The following LRRC37A2 variants were observed in gnomAD, a reference collection of about 807,000 sequenced individuals.
LRRC37A2 encodes leucine rich repeat containing 37 member A2.
A neutral mutation model predicts 68.8 loss-of-function variants in LRRC37A2; 9 were observed. The ratio of observed to expected loss-of-function variants is 0.13; its 90% CI spans 0.08 to 0.23. The LOEUF (loss-of-function observed/expected upper bound fraction) is 0.23, where lower values mean the gene tolerates loss of function less well. Ranked by LOEUF, LRRC37A2 falls within the 10% of genes least tolerant of loss-of-function variation. LRRC37A2 has a pLI of 1.00. For synonymous variants in LRRC37A2, 63 were observed against 367.6 expected (o/e 0.17, Z 9.48); for missense variants, 168 against 950.4 (o/e 0.18, Z 10.82).
At chr17:46,968,364 G>A in the LRRC37A2 span, among the ~76,000 whole-genome samples, 3 of 152,158 alleles carry the variant, frequency 2.0e-5, no homozygotes, top group South Asian at 6.2e-4. Context: ...TCTCAGCACT[G>A]CCTCCTTTCT....
the LRRC37A2 span, among the ~76,000 whole-genome samples, chr17:46,962,992 CTG>C: frequency 1.3e-5 from 2 of 152,062 alleles, no homozygotes; most frequent in Non-Finnish European, 2.9e-5. Flanking sequence ...AATGAAGAAA[CTG>C]AGGCTTGGAA....
chr17:46,980,418 T>A, the LRRC37A2 span, among the ~76,000 whole-genome samples: 1 of 151,666 alleles, frequency 6.6e-6, no homozygotes, highest in East Asian at 1.9e-4. Context: ...TTTCTTTCTG[T>A]CTTCTTTTTT....
chr17:47,032,900 G>C, the LRRC37A2 span, among the ~76,000 whole-genome samples: 1 of 152,068 alleles, frequency 6.6e-6, no homozygotes, highest in Non-Finnish European at 1.5e-5. Flanking sequence ...CTTCTTCAAG[G>C]TTATTCTCAG....
At chr17:46,763,014 G>A in the LRRC37A2 span, 2 of 152,122 alleles carry the variant, frequency 1.3e-5, no homozygotes, top group African/African-American at 4.8e-5. Flanking sequence ...CAGACTTGGC[G>A]GAGGGGGTGA....
chr17:46,499,321 A>AC, the LRRC37A2 span, among the ~76,000 whole-genome samples: 1 of 128,648 alleles, frequency 7.8e-6, no homozygotes, highest in Non-Finnish European at 1.6e-5. Context: ...CAAAAAAAAA[A>AC]AAAAAAAAAA....
At chr17:46,499,004 A>C in the LRRC37A2 span, among the ~76,000 whole-genome samples, 1 of 150,256 alleles carries the variant, frequency 6.7e-6, no homozygotes, top group Non-Finnish European at 1.5e-5. Context: ...TGCTTAGCAC[A>C]ATGTCTGGCA....
At chr17:46,462,008 AAAG>A in the LRRC37A2 span, among the ~76,000 whole-genome samples, 4 of 80,970 alleles carry the variant, frequency 4.9e-5, no homozygotes, top group Non-Finnish European at 1.0e-4. Flanking sequence ...AAAAAAAAAA[AAAG>A]AAGCCAATAA....
the LRRC37A2 span, among the ~76,000 whole-genome samples, chr17:46,812,680 GA>G: frequency 6.6e-6 from 1 of 152,120 alleles, no homozygotes; most frequent in Non-Finnish European, 1.5e-5. Context: ...CTCAACTTAA[GA>G]ATAAAGCTAA....
At chr17:46,840,732 T>C in the LRRC37A2 span, among the ~76,000 whole-genome samples, 1 of 152,258 alleles carries the variant, frequency 6.6e-6, no homozygotes, top group African/African-American at 2.4e-5. Context: ...TGGTTTTGAT[T>C]TGCATTTCTC....
chr17:46,865,289 A>G, the LRRC37A2 span, among the ~76,000 whole-genome samples: 2 of 152,220 alleles, frequency 1.3e-5, no homozygotes, highest in African/African-American at 4.8e-5. Flanking sequence ...GCCCCTGAGC[A>G]CGTCTCCCTG....
intron 6 of LRRC37A2, among the ~76,000 whole-genome samples, chr17:46,534,205 TA>T (rs1305347704): frequency 6.7e-6 from 1 of 149,074 alleles, no homozygotes; most frequent in Non-Finnish European, 1.5e-5. Flanking sequence ...TTGTTTTTTT[TA>T]ATTTTTTTTT....
At chr17:47,000,537 G>A in the LRRC37A2 span, among the ~76,000 whole-genome samples, 3 of 151,930 alleles carry the variant, frequency 2.0e-5, no homozygotes, top group Non-Finnish European at 2.9e-5. Flanking sequence ...CCCGGCCCAC[G>A]ATTACTTTTT....
the LRRC37A2 span, among the ~76,000 whole-genome samples, chr17:46,855,494 G>T: frequency 6.6e-6 from 1 of 152,328 alleles, no homozygotes; most frequent in African/African-American, 2.4e-5. Flanking sequence ...TCCAAGGTCA[G>T]TAGCACCTGG....
chr17:46,946,461 CAAAAA>C, the LRRC37A2 span, among the ~76,000 whole-genome samples: 3 of 98,990 alleles, frequency 3.0e-5, no homozygotes, highest in African/African-American at 4.2e-5. Context: ...AACTCCGTCT[CAAAAA>C]AAAAAAAAAA....
chr17:46,905,844 G>T, the LRRC37A2 span, among the ~76,000 whole-genome samples: 3 of 151,944 alleles, frequency 2.0e-5, no homozygotes, highest in Non-Finnish European at 4.4e-5. Context: ...TAAGGGTATT[G>T]TGTGCCTGTG....
the LRRC37A2 span, among the ~76,000 whole-genome samples, chr17:46,496,020 G>GT: frequency 1.1e-5 from 1 of 87,450 alleles, no homozygotes; most frequent in Admixed American, 1.2e-4. Context: ...TAGGTAAAGT[G>GT]TTTCATAAAT....
the LRRC37A2 span, among the ~76,000 whole-genome samples, chr17:46,497,222 G>T: frequency 7.6e-6 from 1 of 132,256 alleles, no homozygotes; most frequent in Non-Finnish European, 1.6e-5. Flanking sequence ...ATGGTTTCTT[G>T]TTTTTTCGTT....
chr17:46,874,998 C>T, the LRRC37A2 span: 2 of 1,580,336 alleles, frequency 1.3e-6, no homozygotes, highest in Non-Finnish European at 8.7e-7. Context: ...AGCGCTGCCA[C>T]CACCGCCTCT....
the LRRC37A2 span, chr17:46,872,649 G>A: frequency 6.2e-7 from 1 of 1,613,658 alleles, no homozygotes; most frequent in South Asian, 1.1e-5. Flanking sequence ...TCTGCCGGAG[G>A]GAGCCCGGCC....
Sources: allele counts gnomAD v4.1 joint callset (sites outside exome capture counted in the v4.1 genomes callset), GRCh38; gene constraint gnomAD v4.1.1; transcripts MANE v1.5; gene names NCBI Gene and HGNC (gene_info 2026-07-23, HGNC 2026-07-21).